The following NELL1 variants were observed in gnomAD, a reference collection of about 807,000 sequenced individuals.
NELL1 encodes the protein protein kinase C-binding protein NELL1.
A neutral mutation model predicts 107.4 loss-of-function variants in NELL1; 76 were observed. The ratio of observed to expected loss-of-function variants is 0.71; its 90% confidence interval spans 0.59 to 0.86. The LOEUF (loss-of-function observed/expected upper bound fraction) is 0.86, where lower values mean the gene tolerates loss of function less well. Among genes scored for constraint, NELL1 ranks in the 40% least tolerant of loss-of-function variants. The probability of loss-of-function intolerance (pLI) is 0.00; values close to 1 mark genes in which losing one functional copy is unlikely to be tolerated. For synonymous variants in NELL1, 353 were observed against 341.2 expected (o/e 1.03, Z -0.38); for missense variants, 1,024 against 1,005.5 (o/e 1.02, Z -0.25).
chr11:21,037,000 G>T (rs1166949349), intron 12 of NELL1, among the ~76,000 whole-genome samples: 1 of 151,534 alleles, frequency 6.6e-6, no homozygotes, highest in Non-Finnish European at 1.5e-5. Context: ...TATTCATCTA[G>T]TAGTAATTTT....
intron 4 of NELL1, among the ~76,000 whole-genome samples, chr11:20,873,708 A>G (rs1849246666): frequency 6.6e-6 from 1 of 152,006 alleles, no homozygotes; most frequent in Non-Finnish European, 1.5e-5. Flanking sequence ...TTCTGGCTCT[A>G]GTCTGATGAT....
chr11:21,433,526 C>T (rs1040704766), intron 15 of NELL1, among the ~76,000 whole-genome samples: 5 of 152,068 alleles, frequency 3.3e-5, no homozygotes, highest in Non-Finnish European at 5.9e-5. Context: ...TTCTCTGCAC[C>T]GTCAACAGTA....
At position 21,234,208 on chromosome 11, in the gene NELL1, G is replaced by A. The variant is rs142982118; in HGVS notation, c.1549+4754G>A. Among the ~76,000 whole-genome samples the A allele has an allele frequency of 2.0e-5, 3 of 152,276 alleles. No individual in the cohort carries two copies. The East Asian group carries it at 5.8e-4, about 29-fold the overall frequency. On this transcript the variant is annotated intron_variant, in intron 14 of 19. Coordinates refer to ENST00000357134, the MANE Select transcript of NELL1 (RefSeq NM_006157.5). ...AACCCAGAGAAAAATGCAAGCATGGGCTCCTAGTTCGAAAAGCAGGAAAAA... is the reference window on the plus strand; with the variant it reads ...AACCCAGAGAAAAATGCAAGCATGGACTCCTAGTTCGAAAAGCAGGAAAAA...
chr11:21,253,848 C>T (rs1858700922), intron 14 of NELL1, among the ~76,000 whole-genome samples: 1 of 152,068 alleles, frequency 6.6e-6, no homozygotes, highest in Non-Finnish European at 1.5e-5. Flanking sequence ...GGGCTATAAA[C>T]AAGCAAATCA....
At chr11:20,704,390 A>G (rs959934016) in intron 2 of NELL1, among the ~76,000 whole-genome samples, 7 of 152,034 alleles carry the variant, frequency 4.6e-5, no homozygotes, top group African/African-American at 1.7e-4. Context: ...TTTTGAGCCT[A>G]TGTGTGTCTC....
At chr11:20,824,547 T>G (rs925193624) in intron 3 of NELL1, among the ~76,000 whole-genome samples, 1 of 151,204 alleles carries the variant, frequency 6.6e-6, no homozygotes, top group African/African-American at 2.4e-5. Context: ...GTGGGAAAGT[T>G]TAGAACTTCC....
intron 2 of NELL1, among the ~76,000 whole-genome samples, chr11:20,732,093 G>C (rs976499898): frequency 6.6e-6 from 1 of 152,048 alleles, no homozygotes; most frequent in Non-Finnish European, 1.5e-5. Context: ...CAGGGTTTTG[G>C]AGTCTTTTTT....
intron 7 of NELL1, among the ~76,000 whole-genome samples, chr11:20,923,524 T>C (rs1407160958): frequency 1.3e-5 from 2 of 152,178 alleles, no homozygotes; most frequent in Admixed American, 6.5e-5. Context: ...TCCCCTGGCT[T>C]ACTCTCAAGG....
intron 15 of NELL1, among the ~76,000 whole-genome samples, chr11:21,521,491 T>C (rs1161026697): frequency 6.6e-6 from 1 of 151,552 alleles, no homozygotes; most frequent in East Asian, 1.9e-4. Context: ...GTTCAAGAAA[T>C]GCCAATATTG....
intron 15 of NELL1, among the ~76,000 whole-genome samples, chr11:21,503,265 A>T (rs1430847522): frequency 6.6e-6 from 1 of 152,220 alleles, no homozygotes; most frequent in Non-Finnish European, 1.5e-5. Flanking sequence ...TGAAAGAGGC[A>T]GGCATAAGTA....
At chr11:21,227,563 T>C (rs760025720) in intron 13 of NELL1, among the ~76,000 whole-genome samples, 2 of 152,128 alleles carry the variant, frequency 1.3e-5, no homozygotes, top group Non-Finnish European at 2.9e-5. Context: ...CCTTAGACTT[T>C]TTTATGTTTC....
At chr11:21,352,641 T>C (rs1374770669) in intron 14 of NELL1, among the ~76,000 whole-genome samples, 1 of 152,174 alleles carries the variant, frequency 6.6e-6, no homozygotes, top group Non-Finnish European at 1.5e-5. Context: ...TGGCCCTTAA[T>C]TGGTGTGGCT....
intron 3 of NELL1, among the ~76,000 whole-genome samples, chr11:20,843,943 C>CT (rs1181342207): frequency 6.6e-6 from 1 of 152,090 alleles, no homozygotes; most frequent in Non-Finnish European, 1.5e-5. Flanking sequence ...CTACCTTGCA[C>CT]TTAAGCAAAG....
Position 21,516,380 on chromosome 11 carries a change from G to A in NELL1, c.1646-17994G>A, listed in dbSNP as rs115415013. 6.9e-3 allele frequency among the ~76,000 whole-genome samples: 1,056 copies of A among 152,188 alleles called. 13 individuals are homozygous for A. The highest frequency in any genetic ancestry group is 0.024 in the African/African-American group (997 of 41,512). On this transcript the variant is annotated intron_variant, in intron 15 of 19. Coordinates refer to ENST00000357134, the MANE Select transcript of NELL1 (RefSeq NM_006157.5). ...TGTTAGGTGATAGATGCCTGTACAC[G>A]TGTGTGTATCTTGTGTGTGTGTGTA... is the stretch of plus-strand genomic sequence containing the variant.
At chr11:21,380,871 T>C (rs1344069613) in intron 15 of NELL1, among the ~76,000 whole-genome samples, 1 of 152,094 alleles carries the variant, frequency 6.6e-6, no homozygotes, top group African/African-American at 2.4e-5. Flanking sequence ...AGTACTGTAT[T>C]GATGATCAGA....
intron 14 of NELL1, among the ~76,000 whole-genome samples, chr11:21,320,370 C>T (rs1849982477): frequency 1.3e-5 from 2 of 152,156 alleles, no homozygotes; most frequent in South Asian, 4.1e-4. Context: ...TATTAAAATA[C>T]TTTAAACATA....
intron 13 of NELL1, among the ~76,000 whole-genome samples, chr11:21,153,746 A>C (rs932954735): frequency 3.9e-5 from 6 of 152,194 alleles, no homozygotes; most frequent in African/African-American, 1.4e-4. Context: ...TTTACCAGTG[A>C]GGGAAATTGA....
chr11:21,299,515 G>A (rs201609733), intron 14 of NELL1, among the ~76,000 whole-genome samples: 623 of 5,204 alleles, frequency 0.12, 6 homozygotes, highest in Middle Eastern at 0.5. Context: ...TCTTATATGT[G>A]TGTGTGTGTG....
chr11:21,051,724 G>A (rs893591314), intron 12 of NELL1, among the ~76,000 whole-genome samples: 1 of 152,022 alleles, frequency 6.6e-6, no homozygotes. Context: ...TAGCACCAGT[G>A]CTGCCAAAAT....
Sources: gnomAD v4.1 joint callset for allele counts (sites outside exome capture counted in the v4.1 genomes callset) on GRCh38, gnomAD v4.1.1 for gene constraint, MANE v1.5 for transcripts, NCBI Gene and HGNC (gene_info 2026-07-23, HGNC 2026-07-21) for gene names.